SCAPER: variants seen among roughly 807,000 people sequenced by gnomAD.
The protein encoded by SCAPER is S phase cyclin A-associated protein in the endoplasmic reticulum.
In SCAPER, 98 loss-of-function variants were observed where a neutral mutation model predicts 182.2. That is an observed-to-expected ratio of 0.54 (90% CI 0.46 to 0.64). The LOEUF is 0.64. Among genes scored for constraint, SCAPER ranks in the 30% least tolerant of loss-of-function variants. The probability of loss-of-function intolerance (pLI) is 0.00; values close to 1 mark genes in which losing one functional copy is unlikely to be tolerated. For missense variants in SCAPER, 1,432 were observed against 1,690.0 expected, an observed-to-expected ratio of 0.85 and a Z score of 2.68; for synonymous variants, 605 against 564.6, an observed-to-expected ratio of 1.07 and a Z score of -1.01.
intron 1 of SCAPER, among the ~76,000 whole-genome samples, chr15:76,895,526 T>A (rs1211386859): frequency 4.1e-5 from 6 of 145,096 alleles, no homozygotes; most frequent in Admixed American, 1.4e-4. Context: ...ATAATAAAAG[T>A]CAAGAAAAAA....
intron 8 of SCAPER, among the ~76,000 whole-genome samples, chr15:76,779,158 T>A (rs1310139945): frequency 6.6e-6 from 1 of 151,616 alleles, no homozygotes; most frequent in African/African-American, 2.4e-5. Flanking sequence ...AATCAGCAAA[T>A]GTATTAATAT....
intron 22 of SCAPER, among the ~76,000 whole-genome samples, chr15:76,578,105 G>A (rs1270852776): frequency 6.6e-6 from 1 of 151,814 alleles, no homozygotes; most frequent in Non-Finnish European, 1.5e-5. Flanking sequence ...GCCACAGGAA[G>A]AGACTCCTAT....
At position 76,681,557 on chromosome 15, in the gene SCAPER, C is replaced by T. The variant is rs73461329; in HGVS notation, c.2509-15768G>A. The stretch of plus-strand genomic sequence containing the variant: ...TGAGTAGACTGTCAGGGGGAAGCAG[C>T]GAGAGTGAACAGAAGCAGAATGCAG... On this transcript the variant is annotated intron_variant, in intron 20 of 31. Transcript: ENST00000563290. 4.3e-3 allele frequency among the ~76,000 whole-genome samples: 660 copies of T among 152,048 alleles called. 7 individuals carry two copies. Among genetic ancestry groups the T allele is most frequent in the African/African-American group, 0.015 (628 of 41,450 alleles).
At chr15:76,692,129 C>T (rs983559326) in intron 20 of SCAPER, among the ~76,000 whole-genome samples, 1 of 152,144 alleles carries the variant, frequency 6.6e-6, no homozygotes, top group Admixed American at 6.5e-5. Context: ...TAAAAAGCAG[C>T]AGACAAAAAT....
In SCAPER at chr15:76,560,062, AT is replaced by A. The variant is rs374620526; in HGVS notation, c.2838+14095del. Among the ~76,000 whole-genome samples, 237 of 145,958 alleles carry A rather than the reference AT, an allele frequency of 1.6e-3. 2 individuals are homozygous for A. The highest frequency in any genetic ancestry group is 3.0e-3 in the East Asian group (15 of 4,952). On this transcript the variant is annotated intron_variant, in intron 23 of 31. Transcript: ENST00000563290. ...TATGGTGTCATTCCCACTGAGTTTT[AT>A]TTTTTTTTTTCTTATTAGCTTTCTG...
intron 20 of SCAPER, among the ~76,000 whole-genome samples, chr15:76,690,094 G>GA (rs915989213): frequency 1.6e-4 from 23 of 147,972 alleles, no homozygotes; most frequent in Admixed American, 5.4e-4. Context: ...CCAAGATATG[G>GA]AAAAAAAAAA....
At chr15:76,738,743 C>T (rs1242818854) in intron 15 of SCAPER, among the ~76,000 whole-genome samples, 1 of 151,880 alleles carries the variant, frequency 6.6e-6, no homozygotes, top group East Asian at 1.9e-4. Flanking sequence ...GCTCATGGCA[C>T]CCCAAAACAA....
chr15:76,457,717 C>T (rs919579275), intron 25 of SCAPER, among the ~76,000 whole-genome samples: 2 of 152,100 alleles, frequency 1.3e-5, no homozygotes, highest in Non-Finnish European at 2.9e-5. Flanking sequence ...GTACACTTTA[C>T]ATATGTCATA....
At chr15:76,782,006 T>A (rs561920902) in intron 8 of SCAPER, among the ~76,000 whole-genome samples, 1 of 152,232 alleles carries the variant, frequency 6.6e-6, no homozygotes, top group South Asian at 2.1e-4. Flanking sequence ...CCAGTTAACA[T>A]CATAATGACA....
chr15:76,772,324 A>G (rs1372236812), intron 9 of SCAPER, among the ~76,000 whole-genome samples: 1 of 152,160 alleles, frequency 6.6e-6, no homozygotes, highest in Non-Finnish European at 1.5e-5. Flanking sequence ...CATACAACCA[A>G]AAGTATTTAC....
chr15:76,399,730 T>A (rs1465055570), intron 27 of SCAPER, among the ~76,000 whole-genome samples: 1 of 151,572 alleles, frequency 6.6e-6, no homozygotes. Flanking sequence ...TTTGGCTGAG[T>A]AAGGTGGCTC....
In SCAPER at chr15:76,451,400, T is replaced by C. The variant is rs149342333; in HGVS notation, c.3079-17090A>G. 3.1e-4 allele frequency among the ~76,000 whole-genome samples: 47 copies of C among 152,298 alleles called. No individual in the cohort carries two copies. The East Asian group carries it at 8.9e-3, about 29-fold the overall frequency. Reference sequence around the variant, plus strand: ...AGCTAGGAGTGGGATTGCTGGGATGTAGGGTAAGTGTATGTTTATAAGAAA... The same window carrying C: ...AGCTAGGAGTGGGATTGCTGGGATGCAGGGTAAGTGTATGTTTATAAGAAA... On this transcript the variant is annotated intron_variant, in intron 25 of 31. Coordinates refer to ENST00000563290, the MANE Select transcript of SCAPER (RefSeq NM_020843.4).
intron 27 of SCAPER, among the ~76,000 whole-genome samples, chr15:76,398,767 A>G (rs1450951627): frequency 3.3e-5 from 5 of 152,204 alleles, no homozygotes; most frequent in Non-Finnish European, 7.3e-5. Context: ...TGAATTCACA[A>G]GTCTTTTCCA....
chr15:76,883,712 G>A, intron 2 of SCAPER, 100 bp downstream of exon 2: 1 of 945,966 alleles, frequency 1.1e-6, no homozygotes, highest in Non-Finnish European at 1.6e-6. Flanking sequence ...TGTTCCATAG[G>A]GTATCTTGAA....
chr15:76,610,079 T>C (rs930995210), intron 22 of SCAPER, among the ~76,000 whole-genome samples: 16 of 152,264 alleles, frequency 1.1e-4, no homozygotes, highest in African/African-American at 3.9e-4. Flanking sequence ...CCTCCCATGA[T>C]GCCACTGTGG....
intron 23 of SCAPER, among the ~76,000 whole-genome samples, chr15:76,519,518 G>C (rs968680839): frequency 6.6e-6 from 1 of 152,168 alleles, no homozygotes; most frequent in African/African-American, 2.4e-5. Context: ...TCTTGTCCTA[G>C]CAGCTATAGC....
rs542723831 is a variant in SCAPER, at chr15:76,453,871, C to T, written c.3078+17341G>A. On this transcript the variant is annotated intron_variant, in intron 25 of 31. Coordinates refer to ENST00000563290, the MANE Select transcript of SCAPER (RefSeq NM_020843.4). Reference sequence around the variant, plus strand: ...GCAGAAAGATACTTGGAGAATGATCCGAGATACAGGTCTTCCTGCTTAAAC... The same window carrying T: ...GCAGAAAGATACTTGGAGAATGATCTGAGATACAGGTCTTCCTGCTTAAAC... Among the ~76,000 whole-genome samples the T allele has an allele frequency of 2.2e-4, 34 of 152,196 alleles. No homozygotes were observed. In the South Asian group the frequency reaches 6.6e-3, roughly 30 times the overall value.
At chr15:76,517,828 T>A (rs2042556345) in intron 23 of SCAPER, among the ~76,000 whole-genome samples, 2 of 152,154 alleles carry the variant, frequency 1.3e-5, no homozygotes, top group South Asian at 4.1e-4. Context: ...TAATAATATT[T>A]TAAAGATAAG....
At chr15:76,358,211 G>A (rs1348590436) in intron 29 of SCAPER, among the ~76,000 whole-genome samples, 2 of 152,222 alleles carry the variant, frequency 1.3e-5, no homozygotes, top group Non-Finnish European at 2.9e-5. Context: ...TGACTAAACA[G>A]AACACAAGAG....
Sources: gnomAD v4.1 joint callset for allele counts (sites outside exome capture counted in the v4.1 genomes callset) on GRCh38, gnomAD v4.1.1 for gene constraint, MANE v1.5 for transcripts, NCBI Gene and HGNC (gene_info 2026-07-23, HGNC 2026-07-21) for gene names.